The following MMP28 variants were observed in gnomAD, a reference collection of about 807,000 sequenced individuals.
The protein encoded by MMP28 is matrix metallopeptidase 28, also known as matrix metalloproteinase-28.
MMP28 carries 55 observed loss-of-function variants against 60.5 expected under a neutral mutation model. The ratio of observed to expected loss-of-function variants is 0.91; its 90% confidence interval spans 0.73 to 1.14. The LOEUF is 1.14. Among genes scored for constraint, MMP28 ranks in the 50% most tolerant of loss-of-function variants. The probability of loss-of-function intolerance (pLI) is 0.00; values close to 1 mark genes in which losing one functional copy is unlikely to be tolerated. For synonymous variants in MMP28, 318 were observed against 312.5 expected (o/e 1.02, Z -0.18); for missense variants, 686 against 738.3 (o/e 0.93, Z 0.82).
downstream of MMP28, among the ~76,000 whole-genome samples, chr17:35,762,751 G>A (rs1476404922): frequency 6.6e-6 from 1 of 152,046 alleles, no homozygotes. Context: ...GGAGATGCTG[G>A]GCTTCCTTAA....
chr17:35,758,660 C>A (rs1426115555), intron 2 of MMP28, among the ~76,000 whole-genome samples: 1 of 151,784 alleles, frequency 6.6e-6, no homozygotes, highest in Non-Finnish European at 1.5e-5. Context: ...CCACTGTACT[C>A]CATCCTGGGC....
At chr17:35,763,827 G>C (rs1394982401), downstream of MMP28, 4 of 398,148 alleles carry the variant, frequency 1.0e-5, no homozygotes, top group African/African-American at 4.2e-5. Context: ...AGCCCGTGAG[G>C]CGGAGGTTGC....
chr17:35,795,207 G>T, intron 1 of MMP28, 60 bp downstream of exon 1: 1 of 1,200,644 alleles, frequency 8.3e-7, no homozygotes, highest in Non-Finnish European at 1.1e-6. Flanking sequence ...TGGCCTGACT[G>T]CCGAGTTCTG....
intron 7 of MMP28, among the ~76,000 whole-genome samples, chr17:35,767,435 C>T (rs369970782): frequency 2.0e-5 from 3 of 152,174 alleles, no homozygotes; most frequent in Admixed American, 1.3e-4. Flanking sequence ...TTAAGCGACA[C>T]GTCCAACCCC....
At chr17:35,764,630 C>G (rs2085899438), downstream of MMP28, 1 of 1,565,314 alleles carries the variant, frequency 6.4e-7, no homozygotes, top group Non-Finnish European at 8.6e-7. Context: ...CGCCCCCGCT[C>G]CCAGCCTTTG....
intron 1 of MMP28, among the ~76,000 whole-genome samples, chr17:35,783,561 G>C (rs1388729798): frequency 1.3e-5 from 2 of 152,160 alleles, no homozygotes; most frequent in African/African-American, 4.8e-5. Context: ...TGAGTGACTT[G>C]GGAGAGACCA....
downstream of MMP28, among the ~76,000 whole-genome samples, chr17:35,762,928 C>T (rs1390637035): frequency 6.6e-6 from 1 of 152,082 alleles, no homozygotes; most frequent in African/African-American, 2.4e-5. Context: ...CGAGACCATC[C>T]TGGCAAACAT....
intron 4 of MMP28, among the ~76,000 whole-genome samples, chr17:35,771,751 AT>A (rs1555605838): frequency 5.4e-5 from 5 of 91,764 alleles, no homozygotes; most frequent in Non-Finnish European, 8.3e-5. Context: ...ATATATATAT[AT>A]ATAAAATTGT....
At chr17:35,763,163 C>T (rs1249738735), downstream of MMP28, among the ~76,000 whole-genome samples, 3 of 151,536 alleles carry the variant, frequency 2.0e-5, no homozygotes, top group Non-Finnish European at 4.4e-5. Context: ...CCAGGGGAGG[C>T]GGCTCGTGGC....
chr17:35,791,114 A>G (rs1009936003), intron 1 of MMP28, among the ~76,000 whole-genome samples: 2 of 151,488 alleles, frequency 1.3e-5, no homozygotes, highest in African/African-American at 2.4e-5. Context: ...CTACTTTTAC[A>G]TGTGTTTTAA....
In MMP28 at chr17:35,772,752, G is replaced by A. The variant is rs116338288; in HGVS notation, c.604+428C>T. 7.4e-4 allele frequency among the ~76,000 whole-genome samples: 113 copies of A among 152,318 alleles called. 1 individual carries two copies. Among genetic ancestry groups the A allele is most frequent in the African/African-American group, 2.6e-3 (109 of 41,582 alleles). On this transcript the variant is annotated intron_variant, in intron 4 of 7. Coordinates refer to ENST00000605424, the MANE Select transcript of MMP28 (RefSeq NM_024302.5). ...TTCCCTGTCAGGGCTGTCGGGAGTA[G>A]GGTGCCTCTTGCCCTGTGGCAGCGG... is the stretch of plus-strand genomic sequence containing the variant.
Position 35,779,341 on chromosome 17 carries a change from A to G in MMP28, c.112-18T>C, listed in dbSNP as rs1035598407. On this transcript the variant is annotated intron_variant, in intron 1 of 7. Coordinates refer to ENST00000605424, the MANE Select transcript of MMP28 (RefSeq NM_024302.5). ...AGGAATGCCTGCGGGAGAGAGGAAT[A>G]TCTGCTTTTTCCATAGCATCCTTTC... 1.2e-6 allele frequency: 2 copies of G among 1,603,026 alleles called. No individual in the cohort carries two copies. The highest frequency in any genetic ancestry group is 2.7e-5 in the African/African-American group (2 of 74,728).
intron 5 of MMP28, among the ~76,000 whole-genome samples, chr17:35,768,690 G>T (rs1218578895): frequency 6.6e-6 from 1 of 152,162 alleles, no homozygotes; most frequent in Admixed American, 6.5e-5. Flanking sequence ...CACACGTGTA[G>T]TCCCAGCTAC....
At chr17:35,787,140 T>C (rs1555610680) in intron 1 of MMP28, among the ~76,000 whole-genome samples, 1 of 152,210 alleles carries the variant, frequency 6.6e-6, no homozygotes, top group African/African-American at 2.4e-5. Flanking sequence ...ATTTCTCTTA[T>C]CTGCTTTACA....
downstream of MMP28, chr17:35,764,639 TG>T: frequency 6.4e-7 from 1 of 1,551,632 alleles, no homozygotes; most frequent in Non-Finnish European, 8.6e-7. Context: ...TCCCAGCCTT[TG>T]TGCCCTCCAT....
At chr17:35,794,540 C>G (rs77497946) in intron 1 of MMP28, among the ~76,000 whole-genome samples, 13,906 of 152,118 alleles carry the variant, frequency 0.091, 790 homozygotes, top group East Asian at 0.21. Context: ...GCCACCGCGT[C>G]CGGCCTACAC....
intron 3 of MMP28, among the ~76,000 whole-genome samples, chr17:35,774,698 C>A (rs2086272524): frequency 6.6e-6 from 1 of 152,212 alleles, no homozygotes. Context: ...GGCAATGCCG[C>A]CTCCCTGGGC....
chr17:35,774,089 A>G (rs1220188887), intron 3 of MMP28, among the ~76,000 whole-genome samples: 1 of 152,176 alleles, frequency 6.6e-6, no homozygotes, highest in Non-Finnish European at 1.5e-5. Context: ...TTTGTCACTG[A>G]CTGAGAGAAA....
chr17:35,767,603 T>C (rs2085984923), intron 7 of MMP28, 149 bp downstream of exon 7: 1 of 939,504 alleles, frequency 1.1e-6, no homozygotes, highest in East Asian at 2.7e-5. Flanking sequence ...TCTGATAGAG[T>C]CTTCCCTGGG....
Sources: allele counts gnomAD v4.1 joint callset (sites outside exome capture counted in the v4.1 genomes callset), GRCh38; gene constraint gnomAD v4.1.1; transcripts MANE v1.5; gene names NCBI Gene and HGNC (gene_info 2026-07-23, HGNC 2026-07-21).